The following NPAS2 variants were observed in gnomAD, a reference collection of about 807,000 sequenced individuals.
NPAS2 encodes neuronal PAS domain-containing protein 2.
In NPAS2, 23 loss-of-function variants were observed where a neutral mutation model predicts 107.5. That is an observed-to-expected ratio of 0.21 (90% CI 0.15 to 0.30). The LOEUF (loss-of-function observed/expected upper bound fraction) is 0.30. Among genes scored for constraint, NPAS2 ranks in the 10% least tolerant of loss-of-function variants. The pLI, the probability that NPAS2 is intolerant of heterozygous loss-of-function variation, is 1.00. For synonymous variants in NPAS2, 403 were observed against 417.5 expected, an observed-to-expected ratio of 0.97 and a Z score of 0.42; for missense variants, 756 against 1,043.3, an observed-to-expected ratio of 0.72 and a Z score of 3.79.
At chr2:100,931,878 C>T (rs544004083) in intron 3 of NPAS2, among the ~76,000 whole-genome samples, 15 of 152,264 alleles carry the variant, frequency 9.9e-5, no homozygotes, top group African/African-American at 3.6e-4. Context: ...TCATGCGCCA[C>T]GTAAGAGAGA....
intron 1 of NPAS2, chr2:100,878,340 G>A: frequency 4.1e-6 from 4 of 985,444 alleles, no homozygotes; most frequent in Non-Finnish European, 4.8e-6. Flanking sequence ...CAGGCCAGGA[G>A]GAGACTGTCA....
chr2:100,919,380 A>G (rs1210895735), intron 2 of NPAS2, among the ~76,000 whole-genome samples: 1 of 152,196 alleles, frequency 6.6e-6, no homozygotes, highest in African/African-American at 2.4e-5. Flanking sequence ...GGGAAAAAAA[A>G]CAAAAACAAA....
At chr2:100,903,566 T>A (rs1463644470) in intron 1 of NPAS2, among the ~76,000 whole-genome samples, 2 of 152,236 alleles carry the variant, frequency 1.3e-5, no homozygotes, top group Non-Finnish European at 2.9e-5. Context: ...TATCTGAAAC[T>A]TTATATTTCA....
At position 100,852,120 on chromosome 2, in the gene NPAS2, G is replaced by A. The variant is rs181747483; in HGVS notation, c.-23+31706G>A. Reference sequence around the variant, plus strand: ...TTTAGCAAATAAAAGTTTTTGGCCGGGCACGGTGGCTCCTGCCTGTAATCC... The same window carrying A: ...TTTAGCAAATAAAAGTTTTTGGCCGAGCACGGTGGCTCCTGCCTGTAATCC... On this transcript the variant is annotated intron_variant, in intron 1 of 20. Transcript: ENST00000335681. Among the ~76,000 whole-genome samples the A allele has an allele frequency of 3.3e-4, 50 of 152,280 alleles. No individual in the cohort carries two copies. The East Asian group carries it at 6.4e-3, about 19-fold the overall frequency.
In NPAS2 at chr2:100,965,047, G is replaced by A. The variant is rs542315719; in HGVS notation, c.800+104G>A. On this transcript the variant is annotated intron_variant, in intron 9 of 20. Coordinates refer to ENST00000335681, the MANE Select transcript of NPAS2 (RefSeq NM_002518.4). This position sits in a 1 kb window ranked among gnomAD's most constrained non-coding sequence, Gnocchi z 4.3. ...AAGAGTCGGCCCTGGTCCATTGAAA[G>A]AGGAGGACTCTCTGGCACTAGGAAA... The A allele has an allele frequency of 1.4e-5, 10 of 710,586 alleles. No individual in the cohort carries two copies. The African/African-American group carries it at 1.9e-4, about 13-fold the overall frequency. The allele number at this position is 710,586 out of a possible 1,614,324, so 44.0% of individuals were successfully genotyped here.
rs138492904 is a variant in NPAS2 at position 100,968,494 on chromosome 2, G to A, written c.1055+66G>A. On this transcript the variant is annotated intron_variant, in intron 11 of 20. Transcript: ENST00000335681. The surrounding 1 kb of genome is among the most constrained non-coding windows in gnomAD (Gnocchi z 5.3). ...ACCTGGGGGAGGGGTGCAGGATGGC[G>A]TGGCCCCTGATGGCCAAGTCAGATC... The A allele has an allele frequency of 2.1e-5, 32 of 1,524,136 alleles. No individual in the cohort carries two copies. Among genetic ancestry groups the A allele is most frequent in the African/African-American group, 9.6e-5 (7 of 72,898 alleles). 94.4% of individuals were successfully genotyped at this position (1,524,136 alleles called of 1,614,324 possible).
intron 1 of NPAS2, among the ~76,000 whole-genome samples, chr2:100,840,359 G>A (rs1677321294): frequency 6.6e-6 from 1 of 152,118 alleles, no homozygotes. Context: ...TTTTTCTCCT[G>A]TCTTTTAGGA....
chr2:100,877,725 T>C (rs1680072662), intron 1 of NPAS2, among the ~76,000 whole-genome samples: 1 of 152,172 alleles, frequency 6.6e-6, no homozygotes, highest in Non-Finnish European at 1.5e-5. Flanking sequence ...CCAACCTTCA[T>C]TGGTCAATTG....
At chr2:100,990,609 G>A (rs1173073905) in intron 18 of NPAS2, among the ~76,000 whole-genome samples, 163 bp downstream of exon 18, 4 of 152,216 alleles carry the variant, frequency 2.6e-5, no homozygotes, top group Non-Finnish European at 4.4e-5. Flanking sequence ...GGATCCTGAG[G>A]TCCAGGGGAG....
At chr2:100,946,235 C>T (rs1395128069) in intron 5 of NPAS2, among the ~76,000 whole-genome samples, 1 of 152,164 alleles carries the variant, frequency 6.6e-6, no homozygotes, top group Non-Finnish European at 1.5e-5. Flanking sequence ...GAAAATGCAG[C>T]ATGGAGGGGT....
At chr2:100,883,120 A>G (rs967571008) in intron 1 of NPAS2, among the ~76,000 whole-genome samples, 1 of 152,210 alleles carries the variant, frequency 6.6e-6, no homozygotes, top group Non-Finnish European at 1.5e-5. Context: ...AAGAATTTGC[A>G]TCCAGAAACC....
At chr2:100,827,964 T>C (rs907421075) in intron 1 of NPAS2, among the ~76,000 whole-genome samples, 1 of 152,226 alleles carries the variant, frequency 6.6e-6, no homozygotes, top group African/African-American at 2.4e-5. Flanking sequence ...AATTAGTAGC[T>C]CTGTTTTAAG....
At chr2:100,832,522 A>G (rs1220974173) in intron 1 of NPAS2, among the ~76,000 whole-genome samples, 1 of 152,072 alleles carries the variant, frequency 6.6e-6, no homozygotes, top group Non-Finnish European at 1.5e-5. Flanking sequence ...AGTGTGCGCC[A>G]CATCTGTTTG....
chr2:100,940,491 A>G (rs1171313539), intron 5 of NPAS2, among the ~76,000 whole-genome samples: 1 of 152,208 alleles, frequency 6.6e-6, no homozygotes, highest in East Asian at 1.9e-4. Context: ...GATTTTACCC[A>G]TTAAACCTTG....
chr2:100,963,178 G>A (rs902658996), intron 7 of NPAS2, among the ~76,000 whole-genome samples: 1 of 152,226 alleles, frequency 6.6e-6, no homozygotes, highest in Non-Finnish European at 1.5e-5. Context: ...ATCAGCCTGG[G>A]CTCCCAAGGG....
intron 1 of NPAS2, among the ~76,000 whole-genome samples, chr2:100,887,977 G>A (rs187059971): frequency 2.6e-5 from 4 of 152,298 alleles, no homozygotes; most frequent in East Asian, 1.9e-4. Context: ...GTTGCTTTCC[G>A]AGTCATACAG....
At position 100,904,719 on chromosome 2, in the gene NPAS2, T is replaced by C. The variant is rs763204243; in HGVS notation, c.-22-14T>C. 5 of 1,540,410 alleles carry C rather than the reference T, an allele frequency of 3.2e-6. No homozygotes were observed. The highest frequency in any genetic ancestry group is 4.4e-6 in the Non-Finnish European group (5 of 1,130,066). On this transcript the variant is annotated splice_polypyrimidine_tract_variant and intron_variant, in intron 1 of 20. Transcript: ENST00000335681. The stretch of plus-strand genomic sequence containing the variant: ...ATTATCCATTCTTTTTAATTTTTTT[T>C]TTTTTTTTTGCAGGAAAAACTGCAT...
chr2:100,820,702 G>A lies in NPAS2; in HGVS notation c.-23+288G>A, dbSNP rs1392177298. Reference sequence around the variant, plus strand: ...GCAGAAGACAGAGGACTGGGCATCCGAGCCTCGGAATTTGGGGGTCCTCGG... The same window carrying A: ...GCAGAAGACAGAGGACTGGGCATCCAAGCCTCGGAATTTGGGGGTCCTCGG... On this transcript the variant is annotated intron_variant, in intron 1 of 20. Transcript: ENST00000335681. This position sits in a 1 kb window ranked among gnomAD's most constrained non-coding sequence, Gnocchi z 5.6. 3.9e-5 allele frequency among the ~76,000 whole-genome samples: 6 copies of A among 152,164 alleles called. No homozygotes were observed. The highest frequency in any genetic ancestry group is 7.2e-5 in the African/African-American group (3 of 41,460).
At chr2:100,971,953 T>TTTTTTTGAGACAAAGTCTCAAAGTC (rs1250163949) in intron 12 of NPAS2, among the ~76,000 whole-genome samples, 195 of 151,410 alleles carry the variant, frequency 1.3e-3, no homozygotes, top group African/African-American at 4.6e-3. Context: ...CTTTTTTTTT[T>TTTTTTTGAGACAAAGTCTCAAAGTC]TTTTTTGAGA....
Sources: allele counts gnomAD v4.1 joint callset (sites outside exome capture counted in the v4.1 genomes callset), GRCh38; gene constraint gnomAD v4.1.1; non-coding constraint Gnocchi (gnomAD v3.1); transcripts MANE v1.5; gene names NCBI Gene and HGNC (gene_info 2026-07-23, HGNC 2026-07-21).